Variants in ZNF28 observed in about 807,000 individuals in gnomAD.
ZNF28 encodes zinc finger protein KOX24.
Under a neutral mutation model 7.2 loss-of-function variants are expected in ZNF28, and 5 were observed. That is an observed-to-expected ratio of 0.70 (90% CI 0.36 to 1.46). The LOEUF (loss-of-function observed/expected upper bound fraction) is 1.46, where lower values mean the gene tolerates loss of function less well. Among genes scored for constraint, ZNF28 ranks in the 40% most tolerant of loss-of-function variants. ZNF28 has a pLI of 0.03. For synonymous variants in ZNF28, 288 were observed against 292.4 expected, an observed-to-expected ratio of 0.99 and a Z score of 0.15; for missense variants, 879 against 866.6, an observed-to-expected ratio of 1.01 and a Z score of -0.18.
chr19:52,809,229 G>A (rs1239053407), intron 2 of ZNF28, among the ~76,000 whole-genome samples: 3 of 152,128 alleles, frequency 2.0e-5, no homozygotes, highest in South Asian at 4.1e-4. Context: ...CTGACCTGGA[G>A]GAATGTTCAG....
At chr19:52,811,781 C>G (rs2063047356) in intron 2 of ZNF28, among the ~76,000 whole-genome samples, 1 of 149,398 alleles carries the variant, frequency 6.7e-6, no homozygotes, top group African/African-American at 2.5e-5. Flanking sequence ...AGCCCCCCGC[C>G]CGGCCAGCCG....
In ZNF28 at chr19:52,808,008, C is replaced by T. The variant is rs764235068; in HGVS notation, c.141G>A (p.Leu47=). The stretch of plus-strand genomic sequence containing the variant: ...ACATCCCCAGGAGGTTATCCTCACC[C>T]AGGGAGACCAGGTTCCTATAATTCT... ...MLENYRNLVS[L]DISSKCMMKT... Residue 47 remains leucine (L), a splice_region_variant and synonymous_variant, in exon 3 of 4, where the codon CTG becomes CTA. Coordinates refer to ENST00000457749, the MANE Select transcript of ZNF28 (RefSeq NM_006969.5). The T allele has an allele frequency of 6.2e-7, 1 of 1,613,260 alleles. No individual in the cohort carries two copies. The highest frequency in any genetic ancestry group is 1.1e-5 in the South Asian group (1 of 91,070).
intron 1 of ZNF28, among the ~76,000 whole-genome samples, chr19:52,820,638 C>G (rs12984218): frequency 5.9e-5 from 9 of 151,330 alleles, no homozygotes; most frequent in Admixed American, 4.6e-4. Context: ...CTGTCTGACC[C>G]GGCTCCACAT....
chr19:52,813,656 G>A (rs2063085083), intron 2 of ZNF28, among the ~76,000 whole-genome samples: 1 of 121,688 alleles, frequency 8.2e-6, no homozygotes, highest in Non-Finnish European at 1.6e-5. Flanking sequence ...CCTCCAGATT[G>A]CCTGGTGATC....
At chr19:52,814,275 A>T (rs2147673171) in intron 2 of ZNF28, 1 of 146,044 alleles carries the variant, frequency 6.8e-6, no homozygotes, top group East Asian at 2.0e-4. Context: ...GTGATGTTTA[A>T]ATATAACCAT....
intron 3 of ZNF28, chr19:52,807,729 C>T (rs948020203): frequency 2.1e-6 from 1 of 486,014 alleles, no homozygotes. Flanking sequence ...CACGCCTTGG[C>T]CTCCCAAGGT....
rs62120980 is a variant in ZNF28, at chr19:52,819,535, G to C, written c.-73-1504C>G. 2.7e-5 allele frequency among the ~76,000 whole-genome samples: 2 copies of C among 74,284 alleles called. 1 individual carries two copies. Among genetic ancestry groups the C allele is most frequent in the Non-Finnish European group, 6.6e-5 (2 of 30,180 alleles). 48.7% of individuals were successfully genotyped at this position (74,284 alleles called of 152,430 possible). Reference sequence around the variant, plus strand: ...ATCATTTCAGTGGCCAGGGTCACTCGGGTTGAGCTTTTCTGGTCTAGCCCC... The same window carrying C: ...ATCATTTCAGTGGCCAGGGTCACTCCGGTTGAGCTTTTCTGGTCTAGCCCC... On this transcript the variant is annotated intron_variant, in intron 1 of 3. Coordinates refer to ENST00000457749, the MANE Select transcript of ZNF28 (RefSeq NM_006969.5).
chr19:52,816,317 G>A (rs1416341048), intron 2 of ZNF28, among the ~76,000 whole-genome samples: 3 of 146,744 alleles, frequency 2.0e-5, no homozygotes, highest in Non-Finnish European at 4.4e-5. Context: ...TTAGGAGTTC[G>A]AGGCCAGCCT....
chr19:52,806,326 T>G (rs1477343097), intron 3 of ZNF28, among the ~76,000 whole-genome samples: 2 of 152,036 alleles, frequency 1.3e-5, no homozygotes, highest in African/African-American at 4.8e-5. Context: ...CCTGAGTAGC[T>G]TGGATTACAG....
At chr19:52,810,101 C>A in intron 2 of ZNF28, 1 of 795,578 alleles carries the variant, frequency 1.3e-6, no homozygotes, top group Admixed American at 2.0e-5. Context: ...CCACCGGCAG[C>A]CAAGAGGAGG....
chr19:52,817,820 C>T, intron 2 of ZNF28, 124 bp downstream of exon 2: 2 of 1,557,738 alleles, frequency 1.3e-6, no homozygotes, highest in Non-Finnish European at 1.8e-6. Flanking sequence ...TGAAGGAAGG[C>T]ATGGGTGAGG....
intron 2 of ZNF28, among the ~76,000 whole-genome samples, chr19:52,811,280 A>G (rs1348171936): frequency 2.0e-5 from 3 of 151,502 alleles, no homozygotes; most frequent in Non-Finnish European, 4.4e-5. Context: ...GGCCTCCCAA[A>G]GAGCCGAGAT....
At chr19:52,815,498 C>T (rs2063111174) in intron 2 of ZNF28, among the ~76,000 whole-genome samples, 1 of 144,770 alleles carries the variant, frequency 6.9e-6, no homozygotes. Context: ...GTCTGGGCAA[C>T]AAGATCATAA....
chr19:52,817,775 C>G (rs567763974), intron 2 of ZNF28, among the ~76,000 whole-genome samples, 169 bp downstream of exon 2: 1 of 152,224 alleles, frequency 6.6e-6, no homozygotes, highest in Non-Finnish European at 1.5e-5. Context: ...GTCACTGGGT[C>G]ACCAGAGATG....
At chr19:52,810,199 T>C in intron 2 of ZNF28, 1 of 1,051,434 alleles carries the variant, frequency 9.5e-7, no homozygotes, top group Non-Finnish European at 1.5e-6. Context: ...GCTGAGAAGC[T>C]AAAGGAGCTA....
chr19:52,806,612 A>G (rs1471715309), intron 3 of ZNF28, among the ~76,000 whole-genome samples: 3 of 133,502 alleles, frequency 2.2e-5, no homozygotes, highest in African/African-American at 3.3e-5. Flanking sequence ...ATTTAAAATA[A>G]TAACAATGGT....
intron 2 of ZNF28, among the ~76,000 whole-genome samples, chr19:52,817,223 T>C (rs2147685612): frequency 6.6e-6 from 1 of 151,926 alleles, no homozygotes; most frequent in East Asian, 1.9e-4. Context: ...AAATACAAAA[T>C]TAGCTGAGCA....
At chr19:52,809,855 T>C (rs1336596439) in intron 2 of ZNF28, 6 of 619,176 alleles carry the variant, frequency 9.7e-6, no homozygotes, top group Non-Finnish European at 1.4e-5. Flanking sequence ...GTGGTGGCAG[T>C]AGCACTGGGC....
Position 52,801,122 on chromosome 19 carries a change from T to C in ZNF28, c.723A>G (p.Lys241=). The change falls in exon 4 of 4, where the codon AAA becomes AAG. Residue 241 remains lysine (K), a synonymous_variant. Coordinates refer to ENST00000457749, the MANE Select transcript of ZNF28 (RefSeq NM_006969.5). The part of the protein sequence containing the change: ...KKHQITHLEE[K]QCKCDVYGKV... ...TGCCATATACATCACATTTACATTGTTTCTCTTCTAAGTGGGTTATCTGAT... is the reference window on the plus strand; with the variant it reads ...TGCCATATACATCACATTTACATTGCTTCTCTTCTAAGTGGGTTATCTGAT... 2 of 1,614,136 alleles carry C rather than the reference T, an allele frequency of 1.2e-6. No individual in the cohort carries two copies. The highest frequency in any genetic ancestry group is 1.1e-5 in the South Asian group (1 of 91,076).
Sources: allele counts gnomAD v4.1 joint callset (sites outside exome capture counted in the v4.1 genomes callset), GRCh38; gene constraint gnomAD v4.1.1; transcripts MANE v1.5; gene names NCBI Gene and HGNC (gene_info 2026-07-23, HGNC 2026-07-21).